DST: variants seen among roughly 807,000 people sequenced by gnomAD.
DST encodes dystonin.
A neutral mutation model predicts 875.2 loss-of-function variants in DST; 253 were observed. The ratio of observed to expected loss-of-function variants is 0.29; its 90% CI spans 0.26 to 0.32. DST has a LOEUF of 0.32. Ranked by LOEUF, DST falls within the 10% of genes least tolerant of loss-of-function variation. The pLI is 1.00. For missense variants in DST, 8,287 were observed against 9,111.6 expected, an observed-to-expected ratio of 0.91 and a Z score of 3.68; for synonymous variants, 3,124 against 3,197.1, an observed-to-expected ratio of 0.98 and a Z score of 0.77.
At chr6:56,693,327 C>G in intron 9 of DST, 1 of 1,167,014 alleles carries the variant, frequency 8.6e-7, no homozygotes, top group African/African-American at 1.6e-5. Flanking sequence ...ACAAGAAATG[C>G]CGTGGCATCC....
intron 2 of DST, among the ~76,000 whole-genome samples, chr6:56,944,476 A>C (rs1328880893): frequency 2.0e-5 from 3 of 151,940 alleles, no homozygotes; most frequent in Non-Finnish European, 2.9e-5. Context: ...TGTTTTGAGT[A>C]TTTTTGTTTT....
chr6:56,479,207 CAAATT>C lies in DST; in HGVS notation c.21532-1724_21532-1720del, dbSNP rs1022482995. On this transcript the variant is annotated intron_variant, in intron 90 of 103. Transcript: ENST00000680361. The stretch of plus-strand genomic sequence containing the variant: ...AACATCACTAATTATCAGAGATACA[CAAATT>C]AAAGCCACCCTGAGATATCATATTA... Among the ~76,000 whole-genome samples the C allele has an allele frequency of 3.9e-5, 6 of 152,050 alleles. No individual in the cohort carries two copies. In the South Asian group the frequency reaches 8.3e-4, roughly 21 times the overall value.
At chr6:56,515,781 T>C (rs2096574987) in intron 71 of DST, 113 bp from the exon 72 acceptor site, 6 of 716,486 alleles carry the variant, frequency 8.4e-6, no homozygotes, top group East Asian at 2.7e-5. Flanking sequence ...GACAAATATA[T>C]GTTAAATGAA....
intron 33 of DST, 42 bp from the exon 34 acceptor site, chr6:56,627,329 C>T (rs1006225681): frequency 7.2e-7 from 1 of 1,380,838 alleles, no homozygotes; most frequent in Admixed American, 1.7e-5. Context: ...ACAAGGAATT[C>T]AGCTATTCTA....
intron 4 of DST, chr6:56,842,987 A>G: frequency 1.5e-6 from 2 of 1,310,538 alleles, no homozygotes; most frequent in Non-Finnish European, 2.0e-6. Context: ...GGCTCTGATT[A>G]AGGAAAGGCA....
chr6:56,844,479 T>A (rs1416252368), intron 4 of DST, among the ~76,000 whole-genome samples: 1 of 152,204 alleles, frequency 6.6e-6, no homozygotes, highest in African/African-American at 2.4e-5. Context: ...TGGATACAGT[T>A]CCCTTAAATT....
At chr6:56,485,059 C>T in intron 88 of DST, 1 of 387,430 alleles carries the variant, frequency 2.6e-6, no homozygotes, top group South Asian at 4.5e-5. Flanking sequence ...AATCACTTTC[C>T]AAGTTCTAAA....
intron 15 of DST, chr6:56,642,914 C>T (rs765660214): frequency 7.2e-6 from 11 of 1,535,688 alleles, no homozygotes; most frequent in Non-Finnish European, 9.6e-6. Flanking sequence ...TTAGTGGCTC[C>T]TTAAATATGC....
In DST at chr6:56,598,629, A is replaced by C. The variant is rs1276242663; in HGVS notation, c.11775T>G (p.Asn3925Lys). The C allele has an allele frequency of 6.2e-7, 1 of 1,611,778 alleles. No homozygotes were observed. The highest frequency in any genetic ancestry group is 1.7e-5 in the Admixed American group (1 of 59,968). Reference protein sequence around the residue: ...VKNTENFLKENGEKLSQEDKA... With the variant: ...VKNTENFLKEKGEKLSQEDKA... ...TATCTTCCTGTGACAGCTTTTCACC[A>C]TTCTCTTTTAAGAAGTTCTCTGTGT... Residue 3925 changes from asparagine to lysine, a missense_variant, in exon 46 of 104, where the codon AAT becomes AAG. Around this residue, in one of 10 missense-constraint regions of DST, gnomAD observed 1,513 missense variants for 1,677.8 expected, o/e 0.90. Transcript: ENST00000680361.
In DST at chr6:56,459,074, C is replaced by G; in HGVS notation, c.23388G>C (p.Lys7796Asn). The change falls in exon 104 of 104, where the codon AAG (lysine) becomes AAC (asparagine). Residue 7796 changes from lysine to asparagine, a missense_variant. This residue lies in a region of DST where 240 missense variants were observed against 237.3 expected (regional missense o/e 1.01). Transcript: ENST00000680361. ...TCTGGGGCGTGGGGATTTTTGAAGG[C>G]TTCGCTGTGGATGGCCGAGAACCTG... is the stretch of plus-strand genomic sequence containing the variant. Reference protein sequence around the residue: ...PRAGSRPSTAKPSKIPTPQRK... With the variant: ...PRAGSRPSTANPSKIPTPQRK... The G allele has an allele frequency of 1.2e-6, 2 of 1,613,990 alleles. No individual in the cohort carries two copies. Among genetic ancestry groups the G allele is most frequent in the Non-Finnish European group, 1.7e-6 (2 of 1,179,880 alleles).
At chr6:56,534,132 C>T (rs953104035) in intron 63 of DST, among the ~76,000 whole-genome samples, 7 of 151,716 alleles carry the variant, frequency 4.6e-5, no homozygotes, top group African/African-American at 1.7e-4. Context: ...TTATTAGCAG[C>T]CATGCTAAGT....
At chr6:56,533,108 C>T (rs2096926186) in intron 63 of DST, among the ~76,000 whole-genome samples, 1 of 152,084 alleles carries the variant, frequency 6.6e-6, no homozygotes, top group African/African-American at 2.4e-5. Flanking sequence ...ACATCATTGG[C>T]AACAGGAAGA....
In DST at chr6:56,639,557, G is replaced by T; in HGVS notation, c.2752C>A (p.Arg918Ser). 6.2e-7 allele frequency: 1 copy of T among 1,613,596 alleles called. No individual in the cohort carries two copies. The highest frequency in any genetic ancestry group is 8.5e-7 in the Non-Finnish European group (1 of 1,179,844). The change falls in exon 21 of 104, where the codon CGT becomes AGT. Residue 918 changes from arginine (R) to serine (S), a missense_variant. Coordinates refer to ENST00000680361, the MANE Select transcript of DST (RefSeq NM_001374736.1). ...HLDTLHNFVS[R>S]ATNELIWLNE... ...AACCAAATAAGTTCATTAGTCGCAC[G>T]ACTTACAAAATTATGGAGTGTATCA...
At chr6:56,646,063 A>T (rs1220237588) in intron 14 of DST, 24 bp downstream of exon 14, 8 of 1,568,114 alleles carry the variant, frequency 5.1e-6, no homozygotes, top group Non-Finnish European at 6.9e-6. Flanking sequence ...TATGCTTGAC[A>T]ATACAAAGCA....
chr6:56,689,493 T>C (rs2099212889), intron 9 of DST, among the ~76,000 whole-genome samples: 2 of 152,140 alleles, frequency 1.3e-5, no homozygotes, highest in Admixed American at 6.6e-5. Context: ...GCCTAAAACA[T>C]ATACAATACT....
intron 72 of DST, among the ~76,000 whole-genome samples, chr6:56,513,344 C>T (rs993814015): frequency 6.6e-6 from 1 of 152,030 alleles, no homozygotes; most frequent in African/African-American, 2.4e-5. Context: ...GATTCTCCTG[C>T]CTCAGCATGC....
At chr6:56,859,762 A>G (rs1159490187) in intron 3 of DST, among the ~76,000 whole-genome samples, 1 of 152,238 alleles carries the variant, frequency 6.6e-6, no homozygotes, top group African/African-American at 2.4e-5. Context: ...TCGCCAATTT[A>G]TAATTAAATA....
intron 12 of DST, among the ~76,000 whole-genome samples, chr6:56,650,715 T>G (rs2098971003): frequency 6.6e-6 from 1 of 152,216 alleles, no homozygotes; most frequent in Non-Finnish European, 1.5e-5. Flanking sequence ...CTTTTATTTA[T>G]GACACAAAAG....
rs373876039 is a variant in DST at position 56,517,537 on chromosome 6, C to A, written c.18213G>T (p.Glu6071Asp). ...KLMSLGDIRL[E>D]QDQTSAQLQV... ...GAAGCTGAGCAGAAGTCTGGTCTTG[C>A]TCAAGCCTGATGTCACCCAGAGACA... The change falls in exon 70 of 104, where the codon GAG (glutamate) becomes GAT (aspartate). Residue 6071 changes from glutamate to aspartate, a missense_variant. This residue lies in a region of DST where 777 missense variants were observed against 764.8 expected (regional missense o/e 1.02). Transcript: ENST00000680361. 7.7e-5 allele frequency: 124 copies of A among 1,613,222 alleles called. 1 individual carries two copies. The Middle Eastern group carries it at 1.3e-3, about 17-fold the overall frequency.
Sources: allele counts gnomAD v4.1 joint callset (sites outside exome capture counted in the v4.1 genomes callset), GRCh38; gene constraint gnomAD v4.1.1; regional missense constraint gnomAD v4.1.1; transcripts MANE v1.5; gene names NCBI Gene and HGNC (gene_info 2026-07-23, HGNC 2026-07-21).